The following C8A variants were observed in gnomAD, a reference collection of about 807,000 sequenced individuals.
C8A encodes complement component C8 alpha chain.
A neutral mutation model predicts 65.3 loss-of-function variants in C8A; 67 were observed. The observed-to-expected ratio is 1.03, with a 90% CI of 0.84 to 1.26. The LOEUF is 1.26. Among genes scored for constraint, C8A ranks in the 50% most tolerant of loss-of-function variants. The pLI, the probability that C8A is intolerant of heterozygous loss-of-function variation, is 0.00. For missense variants in C8A, 781 were observed against 723.9 expected (o/e 1.08, Z -0.90); for synonymous variants, 290 against 259.4 (o/e 1.12, Z -1.13).
chr1:56,883,717 C>T (rs1280907096), intron 6 of C8A, 36 bp downstream of exon 6: 3 of 1,534,128 alleles, frequency 2.0e-6, no homozygotes, highest in Non-Finnish European at 2.7e-6. Context: ...CACAGTATTC[C>T]ATAATATACA....
At chr1:56,903,155 T>C (rs930331761) in intron 7 of C8A, among the ~76,000 whole-genome samples, 2 of 152,192 alleles carry the variant, frequency 1.3e-5, no homozygotes, top group Non-Finnish European at 2.9e-5. Flanking sequence ...GGTGATATGG[T>C]TTGGCTGTGT....
chr1:56,917,860 G>A lies in C8A; in HGVS notation c.*144G>A. 1 of 970,796 alleles carries A rather than the reference G, an allele frequency of 1.0e-6. No homozygotes were observed. Among genetic ancestry groups the A allele is most frequent in the Non-Finnish European group, 1.6e-6 (1 of 642,988 alleles). The allele number at this position is 970,796 out of a possible 1,614,324, so 60.1% of individuals were successfully genotyped here. On this transcript the variant is annotated 3_prime_UTR_variant, in exon 11 of 11. Coordinates refer to ENST00000361249, the MANE Select transcript of C8A (RefSeq NM_000562.3). ...TGCCAGCTTCCAGGCCTAAGACTAGGTTTTGCTGTCTACAGCCAACTATTC... is the reference window on the plus strand; with the variant it reads ...TGCCAGCTTCCAGGCCTAAGACTAGATTTTGCTGTCTACAGCCAACTATTC...
intron 1 of C8A, among the ~76,000 whole-genome samples, chr1:56,862,088 G>C (rs748404996): frequency 3.9e-5 from 6 of 152,112 alleles, no homozygotes; most frequent in Admixed American, 3.9e-4. Context: ...ATATATTTTT[G>C]ATGAAGATGG....
At chr1:56,915,758 G>A (rs1259989397) in intron 10 of C8A, among the ~76,000 whole-genome samples, 1 of 152,204 alleles carries the variant, frequency 6.6e-6, no homozygotes, top group African/African-American at 2.4e-5. Context: ...GCTGGGGAAT[G>A]AAAGAGACAG....
chr1:56,855,783 T>G (rs948982682), intron 1 of C8A, among the ~76,000 whole-genome samples: 1 of 152,110 alleles, frequency 6.6e-6, no homozygotes, highest in Non-Finnish European at 1.5e-5. Context: ...TCTTGATAGA[T>G]GATGCAATTT....
At position 56,907,998 on chromosome 1, in the gene C8A, G is replaced by A. The variant is rs375206250; in HGVS notation, c.1265G>A (p.Arg422Gln). 106 of 1,614,046 alleles carry A rather than the reference G, an allele frequency of 6.6e-5. No individual in the cohort carries two copies. Among genetic ancestry groups the A allele is most frequent in the South Asian group, 3.4e-4 (31 of 91,082 alleles). Residue 422 changes from arginine to glutamine, a missense_variant, in exon 9 of 11, where the codon CGG becomes CAG. Arg to Gln is a conservative substitution (Grantham distance 43, BLOSUM62 1). Transcript: ENST00000361249. Reference protein sequence around the residue: ...KAMAVEDIISRVRGGSSGWSG... With the variant: ...KAMAVEDIISQVRGGSSGWSG... ...ATGGCTGTGGAAGACATTATTTCTC[G>A]GGTGCGAGGTGGCAGTTCTGGCTGG... is the stretch of plus-strand genomic sequence containing the variant.
chr1:56,917,415 C>G lies in C8A; in HGVS notation c.1604-150C>G. ...AAAGACCCTATGTACCTTATCTGTACGTACCTCCAACAAGCTGCAGTCGAC... is the reference window on the plus strand; with the variant it reads ...AAAGACCCTATGTACCTTATCTGTAGGTACCTCCAACAAGCTGCAGTCGAC... On this transcript the variant is annotated intron_variant, in intron 10 of 10. Coordinates refer to ENST00000361249, the MANE Select transcript of C8A (RefSeq NM_000562.3). 4 of 756,678 alleles carry G rather than the reference C, an allele frequency of 5.3e-6. No individual in the cohort carries two copies. In the South Asian group the frequency reaches 6.1e-5, roughly 12 times the overall value. 46.9% of individuals were successfully genotyped at this position (756,678 alleles called of 1,614,324 possible). A position where few individuals can be genotyped will look rare whatever the true frequency, so the allele number is the denominator to read the frequency against.
intron 7 of C8A, among the ~76,000 whole-genome samples, chr1:56,902,828 T>C (rs912819179): frequency 6.6e-6 from 1 of 152,196 alleles, no homozygotes; most frequent in African/African-American, 2.4e-5. Flanking sequence ...GATTTTCTTC[T>C]TTTTAAAGGC....
At chr1:56,865,592 CT>C (rs984121205) in intron 1 of C8A, among the ~76,000 whole-genome samples, 24 of 152,120 alleles carry the variant, frequency 1.6e-4, no homozygotes, top group Non-Finnish European at 2.9e-4. Context: ...AGTAAGACCA[CT>C]TTTTTTCCTG....
chr1:56,907,584 T>C (rs1396699977), intron 8 of C8A, among the ~76,000 whole-genome samples: 1 of 152,232 alleles, frequency 6.6e-6, no homozygotes, highest in South Asian at 2.1e-4. Context: ...GTAACATCTG[T>C]TGTACCTATA....
In C8A at chr1:56,886,106, A is replaced by T; in HGVS notation, c.1035A>T (p.Gly345=). Residue 345 remains glycine, a synonymous_variant, in exon 7 of 11, where the codon GGA becomes GGT. Coordinates refer to ENST00000361249, the MANE Select transcript of C8A (RefSeq NM_000562.3). ...NDYGTHYITS[G]SMGGIYEYIL... ...ATGGCACCCATTACATCACATCTGGATCCATGGGTGGCATTTATGAATATA... is the reference window on the plus strand; with the variant it reads ...ATGGCACCCATTACATCACATCTGGTTCCATGGGTGGCATTTATGAATATA... The T allele has an allele frequency of 6.2e-7, 1 of 1,614,030 alleles. No individual in the cohort carries two copies. The highest frequency in any genetic ancestry group is 2.2e-5 in the East Asian group (1 of 44,860).
chr1:56,868,239 T>C (rs754146638), intron 2 of C8A, among the ~76,000 whole-genome samples: 18 of 151,814 alleles, frequency 1.2e-4, no homozygotes, highest in Admixed American at 2.0e-4. Context: ...AAGAGGGATG[T>C]TGGGAGCCCT....
chr1:56,893,372 G>A (rs1270434774), intron 7 of C8A, among the ~76,000 whole-genome samples: 2 of 152,154 alleles, frequency 1.3e-5, no homozygotes, highest in African/African-American at 2.4e-5. Flanking sequence ...CAGTGACATG[G>A]TAGCAAGAAG....
chr1:56,906,551 C>T (rs1016934992), intron 7 of C8A, 116 bp from the exon 8 acceptor site: 1 of 1,199,658 alleles, frequency 8.3e-7, no homozygotes, highest in African/African-American at 1.5e-5. Context: ...GGCTTTCAAC[C>T]CAGGCCTTTT....
intron 7 of C8A, among the ~76,000 whole-genome samples, chr1:56,902,531 C>A (rs114161959): frequency 6.5e-4 from 99 of 152,208 alleles, no homozygotes; most frequent in Non-Finnish European, 1.1e-3. Context: ...ATGAAATCTA[C>A]CCTCTTAGCC....
chr1:56,858,749 C>T (rs636879), intron 1 of C8A, among the ~76,000 whole-genome samples: 97,558 of 152,022 alleles, frequency 0.64, 32,043 homozygotes, highest in East Asian at 0.9. Context: ...GACTCAAAAG[C>T]GAATCATGTA....
chr1:56,867,814 C>T (rs967740895), intron 2 of C8A, 112 bp downstream of exon 2: 3 of 794,954 alleles, frequency 3.8e-6, no homozygotes, highest in Admixed American at 3.9e-5. Context: ...GAAATTGGGT[C>T]TAGAAATTGT....
At chr1:56,874,908 A>G in intron 2 of C8A, 41 bp from the exon 3 acceptor site, 1 of 1,610,780 alleles carries the variant, frequency 6.2e-7, no homozygotes, top group South Asian at 1.1e-5. Context: ...TGATTGATTG[A>G]TTGGTTGACA....
At chr1:56,901,287 G>GT (rs1037670291) in intron 7 of C8A, among the ~76,000 whole-genome samples, 18 of 152,134 alleles carry the variant, frequency 1.2e-4, no homozygotes, top group Non-Finnish European at 8.8e-5. Context: ...AATGGTATTT[G>GT]TTTTTTGCAA....
Sources: gnomAD v4.1 joint callset for allele counts (sites outside exome capture counted in the v4.1 genomes callset) on GRCh38, gnomAD v4.1.1 for gene constraint, MANE v1.5 for transcripts, NCBI Gene and HGNC (gene_info 2026-07-23, HGNC 2026-07-21) for gene names.